NEDD4L: variants seen among roughly 807,000 people sequenced by gnomAD.
NEDD4L encodes the protein E3 ubiquitin-protein ligase NEDD4-like.
NEDD4L carries 54 observed loss-of-function variants against 148.9 expected under a neutral mutation model. The ratio of observed to expected loss-of-function variants is 0.36; its 90% confidence interval spans 0.29 to 0.45. NEDD4L has a LOEUF of 0.45. Ranked by LOEUF, NEDD4L falls within the 20% of genes least tolerant of loss-of-function variation. The pLI is 1.00. For missense variants in NEDD4L, 856 were observed against 1,233.8 expected (o/e 0.69, Z 4.59); for synonymous variants, 433 against 440.7 (o/e 0.98, Z 0.22).
intron 14 of NEDD4L, 135 bp downstream of exon 14, chr18:58,341,304 A>C (rs552579338): frequency 1.0e-6 from 1 of 958,040 alleles, no homozygotes; most frequent in Admixed American, 2.9e-5. Flanking sequence ...AAGAAAATGC[A>C]TTACTTTAAA....
At chr18:58,135,891 TGAA>T (rs1599022436) in intron 1 of NEDD4L, among the ~76,000 whole-genome samples, 1 of 152,226 alleles carries the variant, frequency 6.6e-6, no homozygotes, top group Non-Finnish European at 1.5e-5. Flanking sequence ...CCGTGTTTCT[TGAA>T]GAAGACGTTG....
At chr18:58,264,794 A>G (rs879368234) in intron 5 of NEDD4L, among the ~76,000 whole-genome samples, 2 of 152,016 alleles carry the variant, frequency 1.3e-5, no homozygotes, top group Non-Finnish European at 2.9e-5. Context: ...ATCTGACCGT[A>G]TTTTCGTACC....
chr18:58,184,958 TCTC>T (rs551788150), intron 2 of NEDD4L, among the ~76,000 whole-genome samples: 1 of 151,858 alleles, frequency 6.6e-6, no homozygotes, highest in Non-Finnish European at 1.5e-5. Flanking sequence ...AAGAAAGTGT[TCTC>T]CTAAGTGCTG....
At chr18:58,166,019 G>A (rs548587833) in intron 2 of NEDD4L, among the ~76,000 whole-genome samples, 158 bp downstream of exon 2, 32 of 152,328 alleles carry the variant, frequency 2.1e-4, no homozygotes, top group Admixed American at 1.7e-3. Context: ...TGCTGGCCCA[G>A]CTGGTTCCAG....
chr18:58,237,029 A>C (rs1305193347), intron 2 of NEDD4L, among the ~76,000 whole-genome samples: 1 of 151,520 alleles, frequency 6.6e-6, no homozygotes, highest in Non-Finnish European at 1.5e-5. Flanking sequence ...ATCTCAAATA[A>C]TAATAATAAT....
Position 58,256,552 on chromosome 18 carries a change from G to A in NEDD4L, c.297+4498G>A. 1 of 1,232,324 alleles carries A rather than the reference G, an allele frequency of 8.1e-7. No individual in the cohort carries two copies. The highest frequency in any genetic ancestry group is 1.5e-5 in the African/African-American group (1 of 64,542). The allele number at this position is 1,232,324 out of a possible 1,614,324, so 76.3% of individuals were successfully genotyped here. A position where few individuals can be genotyped will look rare whatever the true frequency, so the allele number is the denominator to read the frequency against. On this transcript the variant is annotated intron_variant, in intron 5 of 30. Coordinates refer to ENST00000400345, the MANE Select transcript of NEDD4L (RefSeq NM_001144967.3). The surrounding 1 kb of genome is among the most constrained non-coding windows in gnomAD (Gnocchi z 5.2). ...GCCCCACGGAAGATCGGGGAGCCCT[G>A]GAGGCATCGCCTCGAGCTGGCAGGA...
At chr18:58,234,048 T>C (rs1479704188) in intron 2 of NEDD4L, among the ~76,000 whole-genome samples, 1 of 66,504 alleles carries the variant, frequency 1.5e-5, no homozygotes, top group Non-Finnish European at 3.1e-5. Flanking sequence ...TCTTTCCTTT[T>C]CTTTCTTTCT....
intron 18 of NEDD4L, among the ~76,000 whole-genome samples, chr18:58,352,272 T>A (rs1444382480): frequency 6.6e-6 from 1 of 152,212 alleles, no homozygotes; most frequent in Non-Finnish European, 1.5e-5. Context: ...TGCCCTACTT[T>A]TTTCCTTAAT....
At position 58,387,075 on chromosome 18, in the gene NEDD4L, G is replaced by A. The variant is rs72944835; in HGVS notation, c.2488-364G>A. The stretch of plus-strand genomic sequence containing the variant: ...TCTGTGTTTCTTCTCCCTGCCTCCA[G>A]CACGTTATTTTTAAGCGTGTCTCTT... On this transcript the variant is annotated intron_variant, in intron 26 of 30. Coordinates refer to ENST00000400345, the MANE Select transcript of NEDD4L (RefSeq NM_001144967.3). Among the ~76,000 whole-genome samples, 221 of 152,242 alleles carry A rather than the reference G, an allele frequency of 1.5e-3. 2 individuals carry two copies. Among genetic ancestry groups the A allele is most frequent in the Middle Eastern group, 6.8e-3 (2 of 294 alleles).
At chr18:58,076,378 TA>T (rs2083160381) in intron 1 of NEDD4L, among the ~76,000 whole-genome samples, 1 of 152,122 alleles carries the variant, frequency 6.6e-6, no homozygotes, top group African/African-American at 2.4e-5. Context: ...CAGTAAAGCA[TA>T]AAAAAACCTT....
intron 5 of NEDD4L, among the ~76,000 whole-genome samples, chr18:58,298,052 G>T (rs1250290606): frequency 6.6e-6 from 1 of 151,990 alleles, no homozygotes; most frequent in Non-Finnish European, 1.5e-5. Flanking sequence ...ATGTCTCTGG[G>T]TTAACAAGTA....
intron 1 of NEDD4L, among the ~76,000 whole-genome samples, chr18:58,068,661 C>T (rs2082727154): frequency 6.6e-6 from 1 of 152,166 alleles, no homozygotes; most frequent in Non-Finnish European, 1.5e-5. Context: ...AAAATGTGAG[C>T]ATTTCTCTAC....
At chr18:58,124,076 A>G (rs1313347481) in intron 1 of NEDD4L, among the ~76,000 whole-genome samples, 1 of 152,030 alleles carries the variant, frequency 6.6e-6, no homozygotes, top group African/African-American at 2.4e-5. Context: ...GAAAGAAGTG[A>G]CCTGTAGAGA....
chr18:58,113,170 G>A (rs2085523663), intron 1 of NEDD4L, among the ~76,000 whole-genome samples: 1 of 152,162 alleles, frequency 6.6e-6, no homozygotes, highest in Non-Finnish European at 1.5e-5. Context: ...AAACTTAAAG[G>A]CAGCTTCTAA....
intron 24 of NEDD4L, among the ~76,000 whole-genome samples, chr18:58,377,416 A>T (rs1040828363): frequency 6.6e-6 from 1 of 152,194 alleles, no homozygotes; most frequent in African/African-American, 2.4e-5. Context: ...TTTCACAGTT[A>T]GAAATATCAG....
intron 2 of NEDD4L, among the ~76,000 whole-genome samples, chr18:58,170,188 G>T (rs752058834): frequency 1.2e-4 from 18 of 152,106 alleles, no homozygotes; most frequent in Admixed American, 9.2e-4. Context: ...GCCTTTGCCT[G>T]TGTTTTCCCC....
At chr18:58,105,914 C>T (rs1168873217) in intron 1 of NEDD4L, among the ~76,000 whole-genome samples, 3 of 152,158 alleles carry the variant, frequency 2.0e-5, no homozygotes, top group Admixed American at 2.0e-4. Context: ...ATATTTTTGC[C>T]GTTTTCAGGG....
intron 2 of NEDD4L, among the ~76,000 whole-genome samples, chr18:58,190,287 C>G (rs966015970): frequency 6.6e-6 from 1 of 151,894 alleles, no homozygotes; most frequent in South Asian, 2.1e-4. Context: ...TGTCATATAC[C>G]TAAAGAATTA....
intron 2 of NEDD4L, among the ~76,000 whole-genome samples, chr18:58,187,178 G>C (rs997721182): frequency 3.3e-5 from 5 of 152,186 alleles, no homozygotes; most frequent in African/African-American, 1.2e-4. Flanking sequence ...TGTCTCCGTG[G>C]CTTCCAGTCT....
Sources: gnomAD v4.1 joint callset for allele counts (sites outside exome capture counted in the v4.1 genomes callset) on GRCh38, gnomAD v4.1.1 for gene constraint, Gnocchi (gnomAD v3.1) non-coding constraint, MANE v1.5 for transcripts, NCBI Gene and HGNC (gene_info 2026-07-23, HGNC 2026-07-21) for gene names.